The following CDK5RAP2 variants were observed in gnomAD, a reference collection of about 807,000 sequenced individuals.
CDK5RAP2 encodes CDK5 regulatory subunit-associated protein 2.
Under a neutral mutation model 232.9 loss-of-function variants are expected in CDK5RAP2, and 147 were observed. That is an observed-to-expected ratio of 0.63 (90% CI 0.55 to 0.72). The LOEUF is 0.72. CDK5RAP2 is among the 30% of genes least tolerant of loss of function. The pLI, the probability that CDK5RAP2 is intolerant of heterozygous loss-of-function variation, is 0.00. For missense variants in CDK5RAP2, 2,195 were observed against 2,231.5 expected (o/e 0.98, Z 0.33); for synonymous variants, 833 against 833.7 (o/e 1.00, Z 0.01).
intron 12 of CDK5RAP2, among the ~76,000 whole-genome samples, chr9:120,506,976 A>C (rs2039846198): frequency 6.6e-6 from 1 of 152,242 alleles, no homozygotes; most frequent in Non-Finnish European, 1.5e-5. Flanking sequence ...AAAATGCTAC[A>C]AACAGCATTA....
At position 120,425,930 on chromosome 9, in the gene CDK5RAP2, G is replaced by A. The variant is rs1051910408; in HGVS notation, c.3956-3189C>T. Among the ~76,000 whole-genome samples the A allele has an allele frequency of 2.0e-5, 3 of 152,210 alleles. No individual in the cohort carries two copies. In the East Asian group the frequency reaches 5.8e-4, roughly 29 times the overall value. ...AACTGCACTACACACTGTGATAAGG[G>A]GCCGCAACAGATGCTGTGGGAAGGC... On this transcript the variant is annotated intron_variant, in intron 25 of 37. Transcript: ENST00000349780.
At chr9:120,402,558 C>T (rs1357028209) in intron 34 of CDK5RAP2, among the ~76,000 whole-genome samples, 1 of 152,118 alleles carries the variant, frequency 6.6e-6, no homozygotes, top group Non-Finnish European at 1.5e-5. Flanking sequence ...TGTACAGAGG[C>T]CGTCATGGGA....
At chr9:120,574,941 G>T (rs191257560) in intron 1 of CDK5RAP2, among the ~76,000 whole-genome samples, 16 of 151,518 alleles carry the variant, frequency 1.1e-4, no homozygotes, top group Non-Finnish European at 2.1e-4. Flanking sequence ...TACCCCTGAC[G>T]CCTTCCCGGA....
chr9:120,539,095 C>T lies in CDK5RAP2; in HGVS notation c.453G>A (p.Lys151=). 1 of 1,614,030 alleles carries T rather than the reference C, an allele frequency of 6.2e-7. No individual in the cohort carries two copies. The highest frequency in any genetic ancestry group is 8.5e-7 in the Non-Finnish European group (1 of 1,179,882). Residue 151 remains lysine (K), a synonymous_variant, in exon 6 of 38, where the codon AAG becomes AAA. Coordinates refer to ENST00000349780, the MANE Select transcript of CDK5RAP2 (RefSeq NM_018249.6). ...GGAGATCTTCCACCTGCTGCACCTT[C>T]TTTCGAGCATCTTCTTTCACCCGCT... The part of the protein sequence containing the change: ...EIQRVKEDAR[K]KVQQVEDLLT...
At chr9:120,436,340 G>GA (rs2035576786) in intron 25 of CDK5RAP2, among the ~76,000 whole-genome samples, 1 of 152,182 alleles carries the variant, frequency 6.6e-6, no homozygotes, top group Non-Finnish European at 1.5e-5. Context: ...ACGAAAAGAA[G>GA]AAAGGGTGAG....
intron 17 of CDK5RAP2, among the ~76,000 whole-genome samples, chr9:120,468,494 ACAGTTGT>A (rs1383793298): frequency 6.6e-6 from 1 of 152,230 alleles, no homozygotes; most frequent in Non-Finnish European, 1.5e-5. Flanking sequence ...AGTAATATTA[ACAGTTGT>A]CAATTATGAA....
intron 3 of CDK5RAP2, among the ~76,000 whole-genome samples, chr9:120,557,337 T>C (rs1265902568): frequency 6.6e-6 from 1 of 152,168 alleles, no homozygotes; most frequent in African/African-American, 2.4e-5. Flanking sequence ...TACTGCATTG[T>C]CCTAGCTGGA....
Position 120,403,536 on chromosome 9 carries a change from C to A in CDK5RAP2, c.5042-465G>T. The A allele has an allele frequency of 3.6e-6, 1 of 274,972 alleles. No individual in the cohort carries two copies. The highest frequency in any genetic ancestry group is 7.0e-6 in the Non-Finnish European group (1 of 142,230). The allele number at this position is 274,972 out of a possible 1,614,324, so 17.0% of individuals were successfully genotyped here. On this transcript the variant is annotated intron_variant, in intron 33 of 37. Coordinates refer to ENST00000349780, the MANE Select transcript of CDK5RAP2 (RefSeq NM_018249.6). This position sits in a 1 kb window ranked among gnomAD's most constrained non-coding sequence, Gnocchi z 4.2. ...TGGATTGAGCAAGTAGCAAGAATTACACGAATGATGAGTCATTCTGACCAA... is the reference window on the plus strand; with the variant it reads ...TGGATTGAGCAAGTAGCAAGAATTAAACGAATGATGAGTCATTCTGACCAA...
chr9:120,498,741 A>G (rs2039436370), intron 12 of CDK5RAP2, among the ~76,000 whole-genome samples: 2 of 151,502 alleles, frequency 1.3e-5, no homozygotes, highest in South Asian at 2.1e-4. Context: ...ATATATATCA[A>G]CGGGTGTGGT....
chr9:120,485,671 C>T (rs1387849356), intron 14 of CDK5RAP2, among the ~76,000 whole-genome samples: 1 of 152,186 alleles, frequency 6.6e-6, no homozygotes, highest in Non-Finnish European at 1.5e-5. Flanking sequence ...CTAAAATAAC[C>T]TGATGAGCTG....
intron 5 of CDK5RAP2, among the ~76,000 whole-genome samples, chr9:120,542,076 T>C (rs2041655523): frequency 6.6e-6 from 1 of 152,238 alleles, no homozygotes; most frequent in African/African-American, 2.4e-5. Flanking sequence ...GCAGATGTCA[T>C]ATCCTGTCCC....
At position 120,413,332 on chromosome 9, in the gene CDK5RAP2, CAT is replaced by C. The variant is rs1446937934; in HGVS notation, c.4297+1706_4297+1707del. On this transcript the variant is annotated intron_variant, in intron 28 of 37. Transcript: ENST00000349780. ...TAGTGACAAGCTGGAAGCTCTAACACATGAGAGGCCGGTTTTTAACAATATTC... is the reference window on the plus strand; with the variant it reads ...TAGTGACAAGCTGGAAGCTCTAACACGAGAGGCCGGTTTTTAACAATATTC... Among the ~76,000 whole-genome samples, 3 of 152,342 alleles carry C rather than the reference CAT, an allele frequency of 2.0e-5. No homozygotes were observed. The East Asian group carries it at 5.8e-4, about 29-fold the overall frequency.
chr9:120,447,917 C>T lies in CDK5RAP2; in HGVS notation c.3003G>A (p.Thr1001=), dbSNP rs373365484. The change falls in exon 22 of 38, where the codon ACG becomes ACA. Residue 1001 remains threonine, a synonymous_variant. Coordinates refer to ENST00000349780, the MANE Select transcript of CDK5RAP2 (RefSeq NM_018249.6). The stretch of plus-strand genomic sequence containing the variant: ...TACCATTCAGCAACGTTTTGTCGGG[C>T]GTTGGCCTCCCCTCCATCACTGCTT... ...LAEAVMEGRP[T]PDKTLLNAQP... is the part of the protein sequence containing the mutation. 1.7e-4 allele frequency: 270 copies of T among 1,614,006 alleles called. No homozygotes were observed. The highest frequency in any genetic ancestry group is 2.2e-4 in the Non-Finnish European group (255 of 1,179,874).
intron 15 of CDK5RAP2, 72 bp downstream of exon 15, chr9:120,477,278 T>TGTG: frequency 1.9e-6 from 2 of 1,063,936 alleles, no homozygotes; most frequent in Non-Finnish European, 2.9e-6. Context: ...ATTGAAAGGG[T>TGTG]GTGTGCGTGT....
At chr9:120,481,755 C>T (rs897887129) in intron 14 of CDK5RAP2, among the ~76,000 whole-genome samples, 12 of 152,118 alleles carry the variant, frequency 7.9e-5, no homozygotes, top group South Asian at 2.1e-4. Context: ...TCAGGCAATC[C>T]GCCCACCTGG....
chr9:120,569,285 GAAAC>G (rs1200712832), intron 2 of CDK5RAP2, among the ~76,000 whole-genome samples: 7 of 152,134 alleles, frequency 4.6e-5, no homozygotes, highest in African/African-American at 1.7e-4. Context: ...GAAACATCAG[GAAAC>G]AAACAAATGC....
At chr9:120,496,539 C>T (rs1313811687) in intron 12 of CDK5RAP2, among the ~76,000 whole-genome samples, 1 of 148,312 alleles carries the variant, frequency 6.7e-6, no homozygotes, top group African/African-American at 2.6e-5. Flanking sequence ...CCCGGCCAGC[C>T]GCCCCGTCCG....
chr9:120,545,720 T>C lies in CDK5RAP2; in HGVS notation c.377A>G (p.Lys126Arg), dbSNP rs567442825. The C allele has an allele frequency of 1.4e-5, 23 of 1,613,476 alleles. No individual in the cohort carries two copies. The East Asian group carries it at 2.7e-4, about 19-fold the overall frequency. Residue 126 changes from lysine to arginine, a missense_variant, in exon 5 of 38, where the codon AAA becomes AGA. Transcript: ENST00000349780. ...ELQEREQLLI[K>R]ASKAVESLAE... ...AACGGATGATGGTACTCACGAGGCTTTGATGAGCAGCTGCTCTCTCTCCTG... is the reference window on the plus strand; with the variant it reads ...AACGGATGATGGTACTCACGAGGCTCTGATGAGCAGCTGCTCTCTCTCCTG...
intron 9 of CDK5RAP2, among the ~76,000 whole-genome samples, chr9:120,528,326 A>G (rs893871973): frequency 1.3e-5 from 2 of 152,202 alleles, no homozygotes; most frequent in African/African-American, 4.8e-5. Context: ...CATTCTAAAG[A>G]TAATCATCAC....
Sources: gnomAD v4.1 joint callset for allele counts (sites outside exome capture counted in the v4.1 genomes callset) on GRCh38, gnomAD v4.1.1 for gene constraint, Gnocchi (gnomAD v3.1) non-coding constraint, MANE v1.5 for transcripts, NCBI Gene and HGNC (gene_info 2026-07-23, HGNC 2026-07-21) for gene names.